Variants in USO1 observed in about 807,000 individuals in gnomAD.
USO1 encodes general vesicular transport factor p115.
A neutral mutation model predicts 124.5 loss-of-function variants in USO1; 57 were observed. The ratio of observed to expected loss-of-function variants is 0.46; its 90% CI spans 0.37 to 0.57. The LOEUF (loss-of-function observed/expected upper bound fraction) is 0.57, where lower values mean the gene tolerates loss of function less well. USO1 is among the 20% of genes least tolerant of loss of function. The pLI, the probability that USO1 is intolerant of heterozygous loss-of-function variation, is 0.00. For synonymous variants in USO1, 369 were observed against 362.8 expected (o/e 1.02, Z -0.19); for missense variants, 900 against 1,040.6 (o/e 0.86, Z 1.86).
intron 1 of USO1, among the ~76,000 whole-genome samples, chr4:75,742,979 G>C (rs1423484473): frequency 2.0e-5 from 3 of 150,202 alleles, no homozygotes; most frequent in Admixed American, 6.7e-5. Context: ...AAGTGAATAA[G>C]CATATCTTTT....
chr4:75,774,894 T>C (rs1722031950), intron 8 of USO1, 98 bp downstream of exon 8: 2 of 1,435,892 alleles, frequency 1.4e-6, no homozygotes, highest in South Asian at 1.7e-5. Flanking sequence ...GGGACTCTTA[T>C]TTATACTCTT....
At chr4:75,801,683 C>A (rs1327230431) in intron 17 of USO1, among the ~76,000 whole-genome samples, 3 of 152,184 alleles carry the variant, frequency 2.0e-5, no homozygotes, top group Non-Finnish European at 4.4e-5. Context: ...CATCCCCTTC[C>A]CTCTACTGCT....
intron 9 of USO1, among the ~76,000 whole-genome samples, chr4:75,784,820 T>C (rs1312716875): frequency 1.3e-5 from 2 of 152,052 alleles, no homozygotes; most frequent in Non-Finnish European, 1.5e-5. Context: ...CAAAAAATTA[T>C]TAGAGTACAG....
chr4:75,805,308 A>C lies in USO1; in HGVS notation c.2289+5A>C. 6.3e-7 allele frequency: 1 copy of C among 1,584,692 alleles called. No individual in the cohort carries two copies. Among genetic ancestry groups the C allele is most frequent in the Non-Finnish European group, 8.6e-7 (1 of 1,168,506 alleles). ...GACTCTATGATTGAAAATATGGTAA[A>C]GTAAATGTTTAAGAAGTTAAAATAA... is the stretch of plus-strand genomic sequence containing the variant. On this transcript the variant is annotated splice_donor_5th_base_variant and intron_variant, in intron 19 of 23. Transcript: ENST00000514213.
At chr4:75,807,909 GAC>G (rs1265285100) in intron 20 of USO1, among the ~76,000 whole-genome samples, 3 of 151,680 alleles carry the variant, frequency 2.0e-5, no homozygotes. Context: ...TTTTTTAAGT[GAC>G]AGTTTTGTTT....
chr4:75,738,320 G>T (rs1248573657), intron 1 of USO1, among the ~76,000 whole-genome samples: 2 of 151,828 alleles, frequency 1.3e-5, no homozygotes, highest in Admixed American at 1.3e-4. Flanking sequence ...AGCTGGGCAT[G>T]GTGGCACATG....
intron 3 of USO1, among the ~76,000 whole-genome samples, chr4:75,755,294 A>G (rs1469788608): frequency 6.6e-6 from 1 of 152,216 alleles, no homozygotes; most frequent in Admixed American, 6.5e-5. Flanking sequence ...GATGAATCGA[A>G]AAGTTTTGGA....
chr4:75,813,217 G>A lies in USO1; in HGVS notation c.2811G>A (p.Glu937=). The change falls in exon 24 of 24, where the codon GAG becomes GAA. Residue 937 remains glutamate (E), a synonymous_variant. Coordinates refer to ENST00000514213, the MANE Select transcript of USO1 (RefSeq NM_003715.4). Reference sequence around the variant, plus strand: ...TCTTTTTCCTCTAGGTTGAAGAAGAGGATGAACTTGAATCTGGAGACCAAG... The same window carrying A: ...TCTTTTTCCTCTAGGTTGAAGAAGAAGATGAACTTGAATCTGGAGACCAAG... ...LKDLGHPVEE[E]DELESGDQED... The A allele has an allele frequency of 1.2e-6, 2 of 1,609,538 alleles. No individual in the cohort carries two copies.
At chr4:75,742,837 G>A (rs1577929886) in intron 1 of USO1, among the ~76,000 whole-genome samples, 1 of 152,158 alleles carries the variant, frequency 6.6e-6, no homozygotes, top group East Asian at 1.9e-4. Flanking sequence ...TGAGAACTAA[G>A]ATAAGAGTTT....
At chr4:75,799,549 G>A (rs1179659642) in intron 13 of USO1, 73 bp from the exon 14 acceptor site, 1 of 1,533,816 alleles carries the variant, frequency 6.5e-7, no homozygotes, top group African/African-American at 1.4e-5. Context: ...CAAATGGAAG[G>A]GATCTTAGGG....
At chr4:75,766,514 A>G (rs1422398349) in intron 4 of USO1, among the ~76,000 whole-genome samples, 2 of 152,202 alleles carry the variant, frequency 1.3e-5, no homozygotes, top group Non-Finnish European at 2.9e-5. Context: ...GGCCAGGGAC[A>G]GTGCTAAACA....
intron 10 of USO1, among the ~76,000 whole-genome samples, chr4:75,787,786 A>T (rs897983283): frequency 4.6e-5 from 7 of 152,130 alleles, no homozygotes; most frequent in Middle Eastern, 3.2e-3. Flanking sequence ...TAATTATTTT[A>T]TGGAATTTAT....
At chr4:75,750,397 C>G (rs1721268930) in intron 1 of USO1, among the ~76,000 whole-genome samples, 1 of 151,608 alleles carries the variant, frequency 6.6e-6, no homozygotes, top group African/African-American at 2.4e-5. Context: ...ATGATTGCAC[C>G]ACTGCACTTC....
chr4:75,774,217 G>C (rs1722010179), intron 7 of USO1, among the ~76,000 whole-genome samples: 1 of 152,112 alleles, frequency 6.6e-6, no homozygotes, highest in Non-Finnish European at 1.5e-5. Flanking sequence ...TTGAAGGCCA[G>C]ATGTTTACAA....
At chr4:75,733,003 A>T (rs1183072146) in intron 1 of USO1, among the ~76,000 whole-genome samples, 1 of 147,270 alleles carries the variant, frequency 6.8e-6, no homozygotes. Flanking sequence ...GCTCATGCCT[A>T]TAATCTTAGC....
intron 20 of USO1, among the ~76,000 whole-genome samples, chr4:75,807,527 T>C (rs1432930017): frequency 2.0e-5 from 3 of 152,180 alleles, no homozygotes; most frequent in South Asian, 4.1e-4. Context: ...TTTTGTCTTA[T>C]TTTGATAATG....
intron 1 of USO1, among the ~76,000 whole-genome samples, chr4:75,744,351 T>G (rs1306291690): frequency 6.6e-6 from 1 of 152,178 alleles, no homozygotes; most frequent in Non-Finnish European, 1.5e-5. Context: ...TATACTGAGA[T>G]ACGGAAGGAT....
intron 3 of USO1, among the ~76,000 whole-genome samples, chr4:75,753,453 T>G (rs1206963928): frequency 1.3e-5 from 2 of 152,050 alleles, no homozygotes; most frequent in Admixed American, 6.6e-5. Flanking sequence ...AGAAATCACT[T>G]GAACCCAGGA....
At chr4:75,735,019 A>G (rs1265200642) in intron 1 of USO1, among the ~76,000 whole-genome samples, 1 of 151,994 alleles carries the variant, frequency 6.6e-6, no homozygotes, top group Non-Finnish European at 1.5e-5. Flanking sequence ...ATGAGCCACC[A>G]TACCTGGCCC....
Sources: allele counts gnomAD v4.1 joint callset (sites outside exome capture counted in the v4.1 genomes callset), GRCh38; gene constraint gnomAD v4.1.1; transcripts MANE v1.5; gene names NCBI Gene and HGNC (gene_info 2026-07-23, HGNC 2026-07-21).